ZBTB40: variants seen among roughly 807,000 people sequenced by gnomAD.
ZBTB40 encodes zinc finger and BTB domain containing 40, also known as zinc finger and BTB domain-containing protein 40.
In ZBTB40, 60 loss-of-function variants were observed where a neutral mutation model predicts 117.5. The ratio of observed to expected loss-of-function variants is 0.51; its 90% confidence interval spans 0.41 to 0.63. The LOEUF (loss-of-function observed/expected upper bound fraction) is 0.63. Ranked by LOEUF, ZBTB40 falls within the 30% of genes least tolerant of loss-of-function variation. The pLI is 0.00. For synonymous variants in ZBTB40, 525 were observed against 577.1 expected, an observed-to-expected ratio of 0.91 and a Z score of 1.29; for missense variants, 1,287 against 1,498.5, an observed-to-expected ratio of 0.86 and a Z score of 2.33.
At chr1:22,452,386 C>T (rs1640899789) in intron 1 of ZBTB40, among the ~76,000 whole-genome samples, 1 of 152,250 alleles carries the variant, frequency 6.6e-6, no homozygotes, top group Non-Finnish European at 1.5e-5. Context: ...TGGCCTTGGG[C>T]CTAATCCATG....
intron 1 of ZBTB40, among the ~76,000 whole-genome samples, chr1:22,454,366 C>G (rs1166033897): frequency 6.6e-5 from 10 of 152,174 alleles, no homozygotes; most frequent in Non-Finnish European, 1.5e-5. Flanking sequence ...AGCCTAGTGT[C>G]AAGACAGTAA....
chr1:22,509,898 A>G (rs148988944), intron 9 of ZBTB40, among the ~76,000 whole-genome samples: 92 of 152,364 alleles, frequency 6.0e-4, no homozygotes, highest in African/African-American at 2.0e-3. Flanking sequence ...TGGAGCCATG[A>G]TACTGTTCTC....
At chr1:22,524,145 C>A in intron 16 of ZBTB40, 73 bp from the exon 17 acceptor site, 1 of 1,419,594 alleles carries the variant, frequency 7.0e-7, no homozygotes, top group African/African-American at 1.4e-5. Context: ...TCATGTCTTC[C>A]TGCCCTCATT....
At chr1:22,491,122 C>T (rs535045378) in intron 2 of ZBTB40, among the ~76,000 whole-genome samples, 1 of 152,282 alleles carries the variant, frequency 6.6e-6, no homozygotes, top group South Asian at 2.1e-4. Flanking sequence ...GTCTCGAATT[C>T]CTGACCTCAT....
intron 1 of ZBTB40, among the ~76,000 whole-genome samples, chr1:22,467,246 A>G (rs1048429572): frequency 6.6e-6 from 1 of 152,158 alleles, no homozygotes; most frequent in Non-Finnish European, 1.5e-5. Flanking sequence ...TACAGCTTGT[A>G]TATAAAGTAA....
chr1:22,445,395 C>T (rs375528027), intron 1 of ZBTB40, among the ~76,000 whole-genome samples: 11 of 152,198 alleles, frequency 7.2e-5, no homozygotes, highest in African/African-American at 2.4e-4. Context: ...GTTCACAGTC[C>T]AGGTGCAGAG....
At chr1:22,449,710 C>T (rs370684379), upstream of ZBTB40, among the ~76,000 whole-genome samples, 1 of 152,102 alleles carries the variant, frequency 6.6e-6, no homozygotes, top group African/African-American at 2.4e-5. Flanking sequence ...TATAGAAAGC[C>T]TCTTCTTTGT....
chr1:22,452,254 C>T (rs574034009), intron 1 of ZBTB40, among the ~76,000 whole-genome samples: 1 of 152,170 alleles, frequency 6.6e-6, no homozygotes, highest in Non-Finnish European at 1.5e-5. Context: ...GCGCCAGGCC[C>T]GACCTGACAC....
At chr1:22,512,516 T>A (rs901012131) in intron 11 of ZBTB40, among the ~76,000 whole-genome samples, 1 of 152,230 alleles carries the variant, frequency 6.6e-6, no homozygotes, top group African/African-American at 2.4e-5. Flanking sequence ...ACTTGTTTCT[T>A]GGTAACAAAC....
chr1:22,521,007 C>G (rs1157491519), intron 14 of ZBTB40, among the ~76,000 whole-genome samples: 2 of 152,316 alleles, frequency 1.3e-5, no homozygotes, highest in African/African-American at 2.4e-5. Context: ...GAGAGGGACT[C>G]TTGCTTATGG....
chr1:22,453,273 T>C (rs564604337), intron 1 of ZBTB40, among the ~76,000 whole-genome samples: 14 of 152,334 alleles, frequency 9.2e-5, no homozygotes, highest in African/African-American at 3.1e-4. Context: ...TCTATGTCAG[T>C]AGTCCCCAAA....
rs1639160419 is a variant in ZBTB40 at position 22,509,146 on chromosome 1, C to T, written c.1746C>T (p.Asn582=). The part of the protein sequence containing the change: ...HATLETILRH[N]QLILEAIQQK... ...CTTTAGAAACAATCCTGAGGCATAA[C>T]CAGTTGATCTTGGAGGCCATCCAAC... is the stretch of plus-strand genomic sequence containing the variant. The change falls in exon 9 of 18, where the codon AAC becomes AAT. Residue 582 remains asparagine, a synonymous_variant. Coordinates refer to ENST00000375647, the MANE Select transcript of ZBTB40 (RefSeq NM_014870.4). 1.9e-6 allele frequency: 3 copies of T among 1,614,042 alleles called. No homozygotes were observed. The highest frequency in any genetic ancestry group is 2.7e-5 in the African/African-American group (2 of 74,996).
intron 3 of ZBTB40, among the ~76,000 whole-genome samples, chr1:22,493,023 G>A (rs772020827): frequency 1.3e-5 from 2 of 152,120 alleles, no homozygotes; most frequent in African/African-American, 4.8e-5. Context: ...CAAGTTATTA[G>A]TGTCACCTTT....
At chr1:22,503,111 T>TA (rs1638986961) in intron 5 of ZBTB40, among the ~76,000 whole-genome samples, 1 of 86,108 alleles carries the variant, frequency 1.2e-5, no homozygotes, top group African/African-American at 9.6e-5. Flanking sequence ...AGCATTAGTA[T>TA]CCTTTTTTTT....
rs201401892 is a variant in ZBTB40 at position 22,511,166 on chromosome 1, G to C, written c.1834-13G>C. The C allele has an allele frequency of 1.6e-4, 250 of 1,612,464 alleles. 1 individual carries two copies. Among genetic ancestry groups the C allele is most frequent in the Admixed American group, 1.2e-3 (72 of 59,866 alleles). On this transcript the variant is annotated splice_polypyrimidine_tract_variant and intron_variant, in intron 9 of 17. Coordinates refer to ENST00000375647, the MANE Select transcript of ZBTB40 (RefSeq NM_014870.4). ...GATTAACCCCACACCTTTGTCTCCT[G>C]GTATTCATTTAGATTCTGAGCATTC...
At chr1:22,511,620 TA>T in intron 10 of ZBTB40, 55 bp from the exon 11 acceptor site, 1 of 1,581,640 alleles carries the variant, frequency 6.3e-7, no homozygotes, top group Admixed American at 1.8e-5. Flanking sequence ...AGAAACGTTA[TA>T]AAGCAAAATA....
In ZBTB40 at chr1:22,508,647, G is replaced by A. The variant is rs1256150268; in HGVS notation, c.1615G>A (p.Val539Ile). The A allele has an allele frequency of 1.2e-6, 2 of 1,614,198 alleles. No individual in the cohort carries two copies. Among genetic ancestry groups the A allele is most frequent in the East Asian group, 2.2e-5 (1 of 44,878 alleles). ...ATAIWQLLLV[V>I]QETKTCPLDL... ...AGCCATTTGGCAACTGCTGCTGGTG[G>A]TTCAGGAGACAAAGACCTGTCCATT... is the stretch of plus-strand genomic sequence containing the variant. The change falls in exon 8 of 18, where the codon GTT becomes ATT. Residue 539 changes from valine to isoleucine, a missense_variant. This residue lies in a region of ZBTB40 where 870 missense variants were observed against 934.4 expected (regional missense o/e 0.93). Coordinates refer to ENST00000375647, the MANE Select transcript of ZBTB40 (RefSeq NM_014870.4).
intron 3 of ZBTB40, among the ~76,000 whole-genome samples, chr1:22,500,206 A>G (rs10799758): frequency 0.4 from 60,117 of 152,132 alleles, 14,790 homozygotes; most frequent in African/African-American, 0.66. Flanking sequence ...TGTTCTGTCA[A>G]ACCAAAGAAA....
Position 22,520,166 on chromosome 1 carries a change from G to A in ZBTB40, c.2939G>A (p.Cys980Tyr), listed in dbSNP as rs201409264. The A allele has an allele frequency of 3.3e-5, 54 of 1,614,062 alleles. No homozygotes were observed. Reference protein sequence around the residue: ...HEVHSKEYHPCPTCGKIFSAP... With the variant: ...HEVHSKEYHPYPTCGKIFSAP... ...GTGCACTCCAAAGAGTACCACCCCT[G>A]CCCCACGTGTGGGAAGATCTTCAGT... The change falls in exon 14 of 18, where the codon TGC becomes TAC. Residue 980 changes from cysteine (C) to tyrosine (Y), a missense_variant. By Grantham distance (194) the Cys-to-Tyr change is radical. Around this residue, in one of 2 missense-constraint regions of ZBTB40, gnomAD observed 417 missense variants for 564.1 expected, o/e 0.74. Transcript: ENST00000375647.
Sources: allele counts gnomAD v4.1 joint callset (sites outside exome capture counted in the v4.1 genomes callset), GRCh38; gene constraint gnomAD v4.1.1; regional missense constraint gnomAD v4.1.1; transcripts MANE v1.5; gene names NCBI Gene and HGNC (gene_info 2026-07-23, HGNC 2026-07-21).